PCDHGB5: variants seen among roughly 807,000 people sequenced by gnomAD.
PCDHGB5 encodes the protein protocadherin gamma subfamily B, 5.
A neutral mutation model predicts 62.9 loss-of-function variants in PCDHGB5; 48 were observed. The ratio of observed to expected loss-of-function variants is 0.76; its 90% CI spans 0.61 to 0.97. The LOEUF (loss-of-function observed/expected upper bound fraction) is 0.97, where lower values mean the gene tolerates loss of function less well. PCDHGB5 is among the 50% of genes least tolerant of loss of function. The pLI is 0.00. For synonymous variants in PCDHGB5, 474 were observed against 511.2 expected, an observed-to-expected ratio of 0.93 and a Z score of 0.98; for missense variants, 1,118 against 1,198.6, an observed-to-expected ratio of 0.93 and a Z score of 0.99.
intron 1 of PCDHGB5, among the ~76,000 whole-genome samples, chr5:141,445,318 G>T (rs182520609): frequency 2.0e-4 from 30 of 152,306 alleles, no homozygotes; most frequent in African/African-American, 7.2e-4. Context: ...TAGGTTGAGA[G>T]AACCCATCCA....
intron 1 of PCDHGB5, chr5:141,423,619 T>A (rs1389600826): frequency 1.2e-6 from 2 of 1,608,208 alleles, no homozygotes; most frequent in Non-Finnish European, 1.7e-6. Context: ...AGCTGAAGAC[T>A]CAGCTATCAT....
chr5:141,470,538 A>G (rs2099232733), intron 1 of PCDHGB5, among the ~76,000 whole-genome samples: 1 of 152,140 alleles, frequency 6.6e-6, no homozygotes, highest in African/African-American at 2.4e-5. Context: ...GTATCAGGTA[A>G]TATTTATTGA....
At chr5:141,413,958 G>C in intron 1 of PCDHGB5, 1 of 1,613,392 alleles carries the variant, frequency 6.2e-7, no homozygotes, top group African/African-American at 1.3e-5. Flanking sequence ...ATTTGCCTGT[G>C]GGCACTCAGC....
In PCDHGB5 at chr5:141,400,695, G is replaced by A. The variant is rs187552551; in HGVS notation, c.2397+171G>A. On this transcript the variant is annotated intron_variant, in intron 1 of 3. Transcript: ENST00000617380. The stretch of plus-strand genomic sequence containing the variant: ...GCAGTAAATTGTGAGTTTTTATGTC[G>A]CATAAAAGAAGTAGCCTTATAGATT... 1.8e-5 allele frequency: 14 copies of A among 759,510 alleles called. No homozygotes were observed. The Admixed American group carries it at 4.0e-4, about 22-fold the overall frequency. The allele number at this position is 759,510 out of a possible 1,614,324, so 47.0% of individuals were successfully genotyped here.
rs532631149 is a variant in PCDHGB5, at chr5:141,506,489, C to A, written c.2545+1008C>A. On this transcript the variant is annotated intron_variant, in intron 3 of 3. Transcript: ENST00000617380. ...AAGAGCACAGGCTTTAGAGGCAGGC[C>A]AATCTGGATTCAAATCCTGGCACCT... 1.9e-4 allele frequency among the ~76,000 whole-genome samples: 29 copies of A among 150,750 alleles called. 1 individual carries two copies. In the South Asian group the frequency reaches 5.9e-3, roughly 31 times the overall value.
At chr5:141,421,213 G>C (rs916345810) in intron 1 of PCDHGB5, 3 of 1,548,472 alleles carry the variant, frequency 1.9e-6, no homozygotes, top group Admixed American at 4.1e-5. Context: ...GCGGAATATC[G>C]GCTTAGAGCC....
Position 141,399,592 on chromosome 5 carries a change from G to A in PCDHGB5, c.1465G>A (p.Ala489Thr), listed in dbSNP as rs1385029299. 4 of 1,613,880 alleles carry A rather than the reference G, an allele frequency of 2.5e-6. No individual in the cohort carries two copies. Among genetic ancestry groups the A allele is most frequent in the Non-Finnish European group, 3.4e-6 (4 of 1,179,900 alleles). ...CGGCCAAGTCTCCTACTCTATCATG[G>A]CCAGCGACCTAGAGCCTCTGGCACT... ...LNGQVSYSIM[A>T]SDLEPLALAS... Residue 489 changes from alanine (A) to threonine (T), a missense_variant, in exon 1 of 4, where the codon GCC becomes ACC. This residue lies in a region of PCDHGB5 where 1,034 missense variants were observed against 1,029.1 expected (regional missense o/e 1.00). Coordinates refer to ENST00000617380, the MANE Select transcript of PCDHGB5 (RefSeq NM_018925.3).
At chr5:141,402,820 C>G (rs1351401631) in intron 1 of PCDHGB5, 2 of 1,288,046 alleles carry the variant, frequency 1.6e-6, no homozygotes, top group Admixed American at 5.9e-5. Flanking sequence ...CACAAACCTG[C>G]TCCCAGGCTG....
At position 141,399,585 on chromosome 5, in the gene PCDHGB5, T is replaced by C. The variant is rs1452769752; in HGVS notation, c.1458T>C (p.Ser486=). 6.2e-7 allele frequency: 1 copy of C among 1,613,984 alleles called. No homozygotes were observed. The highest frequency in any genetic ancestry group is 1.1e-5 in the South Asian group (1 of 91,086). ...DLGLNGQVSY[S]IMASDLEPLA... Reference sequence around the variant, plus strand: ...GGTTGAACGGCCAAGTCTCCTACTCTATCATGGCCAGCGACCTAGAGCCTC... The same window carrying C: ...GGTTGAACGGCCAAGTCTCCTACTCCATCATGGCCAGCGACCTAGAGCCTC... Residue 486 remains serine, a synonymous_variant, in exon 1 of 4, where the codon TCT becomes TCC. Transcript: ENST00000617380.
intron 1 of PCDHGB5, chr5:141,405,444 G>C: frequency 7.2e-7 from 1 of 1,379,466 alleles, no homozygotes; most frequent in Non-Finnish European, 1.0e-6. Flanking sequence ...TTTTGAGACA[G>C]AGTCTTACTC....
intron 1 of PCDHGB5, chr5:141,427,815 G>A: frequency 6.5e-7 from 1 of 1,527,760 alleles, no homozygotes; most frequent in Non-Finnish European, 9.0e-7. Context: ...ACAGAGCGGG[G>A]TGGTGGTCGC....
At position 141,477,758 on chromosome 5, in the gene PCDHGB5, G is replaced by A; in HGVS notation, c.2398-17049G>A. 2 of 1,613,924 alleles carry A rather than the reference G, an allele frequency of 1.2e-6. No homozygotes were observed. The highest frequency in any genetic ancestry group is 1.7e-5 in the Admixed American group (1 of 60,022). On this transcript the variant is annotated intron_variant, in intron 1 of 3. Transcript: ENST00000617380. The surrounding 1 kb of genome is among the most constrained non-coding windows in gnomAD (Gnocchi z 4.9). ...CAGCGATGGGGGCACCCCGGTCCTA[G>A]CCACCAACATCAGCGTGAACATATT...
At chr5:141,478,862 C>T (rs1057119202) in intron 1 of PCDHGB5, 23 of 1,325,916 alleles carry the variant, frequency 1.7e-5, no homozygotes, top group Non-Finnish European at 2.2e-5. Flanking sequence ...AAGATCTCAG[C>T]GATCAGAGTT....
chr5:141,455,255 C>T (rs1049752169), intron 1 of PCDHGB5, among the ~76,000 whole-genome samples: 16 of 152,146 alleles, frequency 1.1e-4, no homozygotes, highest in African/African-American at 3.9e-4. Flanking sequence ...AGTACAATCG[C>T]ATTTCTTCCC....
chr5:141,487,033 A>T lies in PCDHGB5; in HGVS notation c.2398-7774A>T, dbSNP rs1465525110. ...AGGCCCCAGATCCCAGCCTGTTTGC[A>T]GTCTCTCGATATGCTGGGGAGGTGC... On this transcript the variant is annotated intron_variant, in intron 1 of 3. Coordinates refer to ENST00000617380, the MANE Select transcript of PCDHGB5 (RefSeq NM_018925.3). This position sits in a 1 kb window ranked among gnomAD's most constrained non-coding sequence, Gnocchi z 5.0. The T allele has an allele frequency of 6.2e-7, 1 of 1,614,042 alleles. No homozygotes were observed. The highest frequency in any genetic ancestry group is 8.5e-7 in the Non-Finnish European group (1 of 1,180,040).
rs1424346887 is a variant in PCDHGB5, at chr5:141,489,602, T to C, written c.2398-5205T>C. ...CCCCTGGAGCTAATCCGTGTAGAGG[T>C]AGAGATCCTGGATCTCAATGACAAC... On this transcript the variant is annotated intron_variant, in intron 1 of 3. Coordinates refer to ENST00000617380, the MANE Select transcript of PCDHGB5 (RefSeq NM_018925.3). The surrounding 1 kb of genome is among the most constrained non-coding windows in gnomAD (Gnocchi z 4.5). The C allele has an allele frequency of 5.6e-6, 9 of 1,613,754 alleles. No homozygotes were observed. In the African/African-American group the frequency reaches 6.7e-5, roughly 12 times the overall value.
chr5:141,502,516 A>G (rs947349505), intron 2 of PCDHGB5, among the ~76,000 whole-genome samples: 1 of 152,146 alleles, frequency 6.6e-6, no homozygotes, highest in African/African-American at 2.4e-5. Flanking sequence ...TCCCACTATC[A>G]GTGATGCCGA....
intron 2 of PCDHGB5, among the ~76,000 whole-genome samples, chr5:141,500,035 CTT>C: frequency 6.6e-6 from 1 of 152,100 alleles, no homozygotes; most frequent in East Asian, 1.9e-4. Flanking sequence ...GTGAGTGTCT[CTT>C]AAGTATCTTA....
intron 1 of PCDHGB5, among the ~76,000 whole-genome samples, chr5:141,484,322 T>C (rs2099594801): frequency 6.6e-6 from 1 of 152,214 alleles, no homozygotes; most frequent in Non-Finnish European, 1.5e-5. Flanking sequence ...TTCCATACTG[T>C]CCTTGAAATC....
Sources: allele counts gnomAD v4.1 joint callset (sites outside exome capture counted in the v4.1 genomes callset), GRCh38; gene constraint gnomAD v4.1.1; regional missense constraint gnomAD v4.1.1; non-coding constraint Gnocchi (gnomAD v3.1); transcripts MANE v1.5; gene names NCBI Gene and HGNC (gene_info 2026-07-23, HGNC 2026-07-21).